The following ROCK2 variants were observed in gnomAD, a reference collection of about 807,000 sequenced individuals.
ROCK2 encodes rho-associated protein kinase 2.
A neutral mutation model predicts 195.1 loss-of-function variants in ROCK2; 61 were observed. That is an observed-to-expected ratio of 0.31 (90% CI 0.25 to 0.39). The LOEUF (loss-of-function observed/expected upper bound fraction) is 0.39. ROCK2 is among the 10% of genes least tolerant of loss of function. The pLI, the probability that ROCK2 is intolerant of heterozygous loss-of-function variation, is 1.00. For synonymous variants in ROCK2, 504 were observed against 545.5 expected, an observed-to-expected ratio of 0.92 and a Z score of 1.06; for missense variants, 1,109 against 1,637.4, an observed-to-expected ratio of 0.68 and a Z score of 5.57.
intron 4 of ROCK2, among the ~76,000 whole-genome samples, chr2:11,249,036 C>T (rs1665733217): frequency 6.6e-6 from 1 of 152,022 alleles, no homozygotes; most frequent in South Asian, 2.1e-4. Flanking sequence ...GCTGGGATTA[C>T]AGGTGTGTGC....
intron 27 of ROCK2, among the ~76,000 whole-genome samples, chr2:11,196,910 A>G (rs905588065): frequency 1.9e-4 from 29 of 152,194 alleles, no homozygotes; most frequent in African/African-American, 6.5e-4. Context: ...AAGAAGAGAA[A>G]ATGAAACGAA....
intron 32 of ROCK2, among the ~76,000 whole-genome samples, chr2:11,187,996 T>C (rs779146299): frequency 1.3e-5 from 2 of 152,110 alleles, no homozygotes; most frequent in African/African-American, 4.8e-5. Context: ...GAGCATTTGT[T>C]ACATTTTTGC....
chr2:11,231,158 T>C (rs1664993853), intron 5 of ROCK2, among the ~76,000 whole-genome samples: 1 of 152,038 alleles, frequency 6.6e-6, no homozygotes, highest in African/African-American at 2.4e-5. Flanking sequence ...GCTAGAATAT[T>C]AATGGATAAA....
chr2:11,297,882 T>C (rs1399828034), intron 1 of ROCK2, among the ~76,000 whole-genome samples: 1 of 152,198 alleles, frequency 6.6e-6, no homozygotes, highest in Non-Finnish European at 1.5e-5. Flanking sequence ...TGTTTAAACA[T>C]ACATTAGGTA....
At chr2:11,274,562 C>G (rs569100694) in intron 3 of ROCK2, among the ~76,000 whole-genome samples, 3 of 152,252 alleles carry the variant, frequency 2.0e-5, no homozygotes, top group African/African-American at 7.2e-5. Flanking sequence ...GACTAACTCA[C>G]ACAAAAAACC....
chr2:11,214,810 T>C, intron 16 of ROCK2, 30 bp downstream of exon 16: 1 of 1,569,934 alleles, frequency 6.4e-7, no homozygotes, highest in Non-Finnish European at 8.6e-7. Context: ...ATCATCAAAA[T>C]TAATTCAAGT....
intron 1 of ROCK2, among the ~76,000 whole-genome samples, chr2:11,333,214 G>A (rs2148269539): frequency 6.6e-6 from 1 of 152,260 alleles, no homozygotes; most frequent in East Asian, 1.9e-4. Flanking sequence ...AAACAATGAT[G>A]CCTGACTCTA....
intron 2 of ROCK2, 74 bp downstream of exon 2, chr2:11,287,581 T>C (rs1667238948): frequency 2.4e-6 from 1 of 419,748 alleles, no homozygotes; most frequent in East Asian, 3.7e-5. Context: ...ATTTATAGGC[T>C]GATAATAACC....
At chr2:11,247,586 G>T (rs1173823689) in intron 4 of ROCK2, among the ~76,000 whole-genome samples, 1 of 152,056 alleles carries the variant, frequency 6.6e-6, no homozygotes, top group East Asian at 1.9e-4. Context: ...ACTTTATAAA[G>T]GTTCACATAG....
At chr2:11,305,854 T>C (rs1183908960) in intron 1 of ROCK2, among the ~76,000 whole-genome samples, 1 of 152,204 alleles carries the variant, frequency 6.6e-6, no homozygotes, top group Non-Finnish European at 1.5e-5. Flanking sequence ...AAAGTTACTG[T>C]GAATTTATAA....
intron 1 of ROCK2, chr2:11,308,644 T>A (rs1326848315): frequency 4.2e-6 from 6 of 1,444,684 alleles, no homozygotes; most frequent in Non-Finnish European, 5.8e-6. Context: ...AAGATACTCC[T>A]GTGGCTTCAA....
intron 3 of ROCK2, among the ~76,000 whole-genome samples, chr2:11,285,948 T>C (rs975480889): frequency 6.6e-6 from 1 of 152,012 alleles, no homozygotes; most frequent in Non-Finnish European, 1.5e-5. Context: ...CTTTTCTTAG[T>C]GCTCCATCAA....
At chr2:11,322,596 G>T (rs970363375) in intron 1 of ROCK2, among the ~76,000 whole-genome samples, 2 of 152,068 alleles carry the variant, frequency 1.3e-5, no homozygotes, top group Non-Finnish European at 2.9e-5. Flanking sequence ...AGCAAGTAAG[G>T]TATCATTTTA....
At chr2:11,249,949 GAAAC>G (rs1665773129) in intron 3 of ROCK2, 151 bp from the exon 4 acceptor site, 1 of 496,050 alleles carries the variant, frequency 2.0e-6, no homozygotes, top group African/African-American at 2.0e-5. Flanking sequence ...TTTAATGAAA[GAAAC>G]AAAGGAGAAC....
At chr2:11,256,976 G>C (rs958530335) in intron 3 of ROCK2, among the ~76,000 whole-genome samples, 1 of 151,392 alleles carries the variant, frequency 6.6e-6, no homozygotes, top group Admixed American at 6.6e-5. Context: ...TGCAGGGATA[G>C]TAGGCTAGGG....
At chr2:11,211,582 C>T in intron 18 of ROCK2, 99 bp downstream of exon 18, 1 of 1,148,550 alleles carries the variant, frequency 8.7e-7, no homozygotes, top group East Asian at 2.5e-5. Context: ...CAATATTTGA[C>T]AATGAAATAT....
upstream of ROCK2, among the ~76,000 whole-genome samples, chr2:11,344,824 TC>T (rs1669246307): frequency 6.7e-6 from 1 of 150,102 alleles, no homozygotes; most frequent in Non-Finnish European, 1.5e-5. The surrounding 1 kb of genome is among the most constrained non-coding windows in gnomAD (Gnocchi z 5.4). Context: ...CCTCGCCTCC[TC>T]CCCCTGGCGA....
intron 20 of ROCK2, among the ~76,000 whole-genome samples, chr2:11,207,072 T>C (rs962490040): frequency 1.3e-5 from 2 of 152,200 alleles, no homozygotes; most frequent in African/African-American, 4.8e-5. Context: ...ATTTTAATAG[T>C]ATATTTACTA....
chr2:11,217,122 C>T lies in ROCK2; in HGVS notation c.1380G>A (p.Met460Ile). 2.5e-6 allele frequency: 4 copies of T among 1,574,940 alleles called. No homozygotes were observed. Among genetic ancestry groups the T allele is most frequent in the Non-Finnish European group, 3.5e-6 (4 of 1,144,748 alleles). The part of the protein sequence containing the change: ...YTLEEHLSNE[M>I]QAKEELEQKC... ...TCTGTTCCAGTTCCTCTTTGGCTTG[C>T]ATCTCATTGCTAAGATGTTCTTCTA... The change falls in exon 12 of 33, where the codon ATG becomes ATA. Residue 460 changes from methionine (M) to isoleucine (I), a missense_variant. Met to Ile is a conservative substitution (Grantham distance 10). Coordinates refer to ENST00000315872, the MANE Select transcript of ROCK2 (RefSeq NM_004850.5).
Sources: gnomAD v4.1 joint callset for allele counts (sites outside exome capture counted in the v4.1 genomes callset) on GRCh38, gnomAD v4.1.1 for gene constraint, Gnocchi (gnomAD v3.1) non-coding constraint, MANE v1.5 for transcripts, NCBI Gene and HGNC (gene_info 2026-07-23, HGNC 2026-07-21) for gene names.